Variants in PRSS55 observed in about 807,000 individuals in gnomAD.
The protein encoded by PRSS55 is probable serine protease UNQ9391/PRO34284.
In PRSS55, 41 loss-of-function variants were observed where a neutral mutation model predicts 23.6. The observed-to-expected ratio is 1.74, with a 90% confidence interval of 1.35 to 2.26. The LOEUF (loss-of-function observed/expected upper bound fraction) is 2.26. Among genes scored for constraint, PRSS55 ranks in the 30% most tolerant of loss-of-function variants. The pLI is 0.00. For synonymous variants in PRSS55, 262 were observed against 175.5 expected (o/e 1.49, Z -3.90); for missense variants, 669 against 439.1 (o/e 1.52, Z -4.68).
Position 10,526,774 on chromosome 8 carries a change from C to T in PRSS55, c.154+1035C>T, listed in dbSNP as rs7816167. 6.4e-3 allele frequency among the ~76,000 whole-genome samples: 968 copies of T among 152,286 alleles called. 9 individuals are homozygous for T. The highest frequency in any genetic ancestry group is 0.019 in the African/African-American group (803 of 41,540). On this transcript the variant is annotated intron_variant, in intron 1 of 4. Transcript: ENST00000328655. ...GACTTTGGTGCAAGCACTTGTTGGT[C>T]GCTTCAACATCCATCCTCTCATTTC...
At chr8:10,531,892 C>A (rs1812280052) in intron 3 of PRSS55, among the ~76,000 whole-genome samples, 1 of 152,256 alleles carries the variant, frequency 6.6e-6, no homozygotes, top group South Asian at 2.1e-4. Flanking sequence ...CTCCTCCAGG[C>A]ATTGGAGATT....
Position 10,538,465 on chromosome 8 carries a change from T to C in PRSS55, c.742-11T>C. The C allele has an allele frequency of 1.2e-6, 2 of 1,600,442 alleles. No individual in the cohort carries two copies. The highest frequency in any genetic ancestry group is 1.7e-6 in the Non-Finnish European group (2 of 1,170,448). On this transcript the variant is annotated splice_polypyrimidine_tract_variant and intron_variant, in intron 4 of 4. Transcript: ENST00000328655. ...CCGGACTCCCTGCTGAGCTGTGTTC[T>C]CTGCCCACAGGGTGACAGTGGGGGG...
intron 4 of PRSS55, among the ~76,000 whole-genome samples, chr8:10,535,170 C>T (rs1320009553): frequency 6.6e-6 from 1 of 152,026 alleles, no homozygotes; most frequent in East Asian, 1.9e-4. Context: ...CAATACTATC[C>T]CTATCAAACT....
chr8:10,527,619 G>A (rs982431286), intron 1 of PRSS55, among the ~76,000 whole-genome samples: 1 of 152,260 alleles, frequency 6.6e-6, no homozygotes, highest in East Asian at 1.9e-4. Context: ...GCCTGGGGAA[G>A]AATATTTCAG....
intron 4 of PRSS55, among the ~76,000 whole-genome samples, chr8:10,544,055 G>C (rs955141118): frequency 6.6e-6 from 1 of 152,100 alleles, no homozygotes; most frequent in East Asian, 1.9e-4. Flanking sequence ...TTATAGTATT[G>C]CCAAAATCCT....
intron 4 of PRSS55, among the ~76,000 whole-genome samples, chr8:10,536,603 T>A (rs564176646): frequency 3.3e-5 from 5 of 152,132 alleles, no homozygotes; most frequent in African/African-American, 1.2e-4. Context: ...AGCAAAGACA[T>A]GGGATCAAAC....
chr8:10,533,181 C>T, intron 4 of PRSS55, 133 bp downstream of exon 4: 1 of 953,960 alleles, frequency 1.0e-6, no homozygotes, highest in Non-Finnish European at 1.5e-6. Context: ...GGCCTGCAGC[C>T]ATGAGAATGA....
downstream of PRSS55, chr8:10,541,173 C>G (rs976494992): frequency 6.6e-6 from 1 of 152,326 alleles, no homozygotes; most frequent in African/African-American, 2.4e-5. Flanking sequence ...TCCTGGGACT[C>G]CCAACATGGT....
At chr8:10,543,662 A>G (rs2117069674), downstream of PRSS55, among the ~76,000 whole-genome samples, 1 of 151,812 alleles carries the variant, frequency 6.6e-6, no homozygotes, top group South Asian at 2.1e-4. Flanking sequence ...TACATCATAT[A>G]AGCATTTACA....
chr8:10,547,129 T>C (rs1812836938), intron 4 of PRSS55, among the ~76,000 whole-genome samples: 1 of 152,232 alleles, frequency 6.6e-6, no homozygotes, highest in Non-Finnish European at 1.5e-5. Context: ...TCTCAGCTAC[T>C]GCAGTCACCG....
intron 4 of PRSS55, among the ~76,000 whole-genome samples, chr8:10,534,850 T>C (rs1449868095): frequency 6.6e-6 from 1 of 152,228 alleles, no homozygotes; most frequent in East Asian, 1.9e-4. Context: ...CTAGAGCTGA[T>C]AAGCAACTTC....
intron 2 of PRSS55, among the ~76,000 whole-genome samples, chr8:10,530,098 G>T (rs182957112): frequency 6.6e-6 from 1 of 152,218 alleles, no homozygotes; most frequent in Non-Finnish European, 1.5e-5. Context: ...CTTGTAGAGC[G>T]TTCTCTGTGT....
At chr8:10,535,325 G>C (rs1319510810) in intron 4 of PRSS55, among the ~76,000 whole-genome samples, 2 of 152,148 alleles carry the variant, frequency 1.3e-5, no homozygotes, top group Non-Finnish European at 2.9e-5. Flanking sequence ...CTATACTACA[G>C]GGCTATGGTA....
Position 10,553,356 on chromosome 8 carries a change from G to A in PRSS55, c.742-587G>A, listed in dbSNP as rs574907076. 5.3e-5 allele frequency among the ~76,000 whole-genome samples: 8 copies of A among 152,242 alleles called. No homozygotes were observed. The East Asian group carries it at 1.2e-3, about 22-fold the overall frequency. On this transcript the variant is annotated intron_variant, in intron 4 of 4. Transcript: ENST00000522210. ...TACCTAGTTTTGGGTATGTCTTTAT[G>A]GCAGTGTGAGAATGGACTAATACAA...
chr8:10,541,525 C>T (rs1812656437), downstream of PRSS55: 1 of 152,204 alleles, frequency 6.6e-6, no homozygotes, highest in Admixed American at 6.5e-5. Flanking sequence ...GTCCACACCC[C>T]AGGTTTGAGC....
At chr8:10,541,294 T>C (rs1046669436), downstream of PRSS55, 6 of 152,256 alleles carry the variant, frequency 3.9e-5, no homozygotes, top group African/African-American at 1.2e-4. Flanking sequence ...TTTAAATTGG[T>C]AAACTGTGAC....
At chr8:10,549,096 G>C (rs1195185934) in intron 4 of PRSS55, among the ~76,000 whole-genome samples, 1 of 152,192 alleles carries the variant, frequency 6.6e-6, no homozygotes, top group Non-Finnish European at 1.5e-5. Flanking sequence ...CCTGACCCTT[G>C]ACAGAAAACA....
intron 3 of PRSS55, among the ~76,000 whole-genome samples, chr8:10,532,549 T>C: frequency 6.6e-6 from 1 of 152,198 alleles, no homozygotes; most frequent in East Asian, 1.9e-4. Flanking sequence ...CATCCTCATG[T>C]AATAAAATGT....
At chr8:10,538,865 T>G, downstream of PRSS55, 2 of 1,411,786 alleles carry the variant, frequency 1.4e-6, no homozygotes, top group Non-Finnish European at 1.9e-6. Flanking sequence ...AGGCTCTGTC[T>G]GCAGCTCAGG....
Sources: gnomAD v4.1 joint callset for allele counts (sites outside exome capture counted in the v4.1 genomes callset) on GRCh38, gnomAD v4.1.1 for gene constraint, MANE v1.5 for transcripts, NCBI Gene and HGNC (gene_info 2026-07-23, HGNC 2026-07-21) for gene names.